Variants in AR observed in about 807,000 individuals in gnomAD.
The protein encoded by AR is androgen receptor.
Under a neutral mutation model 53.9 loss-of-function variants are expected in AR, and 8 were observed. That is an observed-to-expected ratio of 0.15 (90% CI 0.09 to 0.27). The LOEUF (loss-of-function observed/expected upper bound fraction) is 0.27, where lower values mean the gene tolerates loss of function less well. AR is among the 10% of genes least tolerant of loss of function. The pLI is 1.00. For missense variants in AR, 639 were observed against 742.5 expected, an observed-to-expected ratio of 0.86 and a Z score of 1.62; for synonymous variants, 359 against 316.4, an observed-to-expected ratio of 1.13 and a Z score of -1.43.
rs1442221233 is a variant in AR at position 67,621,291 on chromosome X, A to C, written c.1617-21965A>C. 2.7e-5 allele frequency among the ~76,000 whole-genome samples: 3 copies of C among 111,381 alleles called. No homozygotes were observed. The East Asian group carries it at 8.5e-4, about 32-fold the overall frequency. On this transcript the variant is annotated intron_variant, in intron 1 of 7. Coordinates refer to ENST00000374690, the MANE Select transcript of AR (RefSeq NM_000044.6). ...GGGGTTCAGCCTCGAGTGGCCATTA[A>C]AATTATTTGGGGATCTTTGAAAAAA... is the stretch of plus-strand genomic sequence containing the variant.
intron 4 of AR, among the ~76,000 whole-genome samples, chrX:67,714,333 T>C (rs1376474978): frequency 8.9e-6 from 1 of 112,074 alleles, no homozygotes. Flanking sequence ...CCTAGTAACG[T>C]AGCCTGAAAC....
chrX:67,562,508 C>G (rs765961876), intron 1 of AR, among the ~76,000 whole-genome samples: 3 of 111,302 alleles, frequency 2.7e-5, no homozygotes, highest in African/African-American at 9.8e-5. Flanking sequence ...ATGGTAATGA[C>G]CAGCTGTAGG....
intron 1 of AR, among the ~76,000 whole-genome samples, chrX:67,607,038 T>G (rs1923660815): frequency 9.0e-6 from 1 of 111,519 alleles, no homozygotes; most frequent in African/African-American, 3.3e-5. Flanking sequence ...TTTGTTTTTT[T>G]TTTTATTTGA....
chrX:67,679,976 T>C (rs1432033421), intron 2 of AR, among the ~76,000 whole-genome samples: 1 of 112,376 alleles, frequency 8.9e-6, no homozygotes, highest in Non-Finnish European at 1.9e-5. Flanking sequence ...AAATGACCTT[T>C]TCTACCTTTA....
chrX:67,576,277 G>A (rs976348923), intron 1 of AR, among the ~76,000 whole-genome samples: 1 of 110,788 alleles, frequency 9.0e-6, no homozygotes, highest in Admixed American at 9.6e-5. Context: ...TGGTACTACT[G>A]TAAATTTTCA....
intron 1 of AR, among the ~76,000 whole-genome samples, chrX:67,559,210 C>T (rs1172213736): frequency 3.6e-5 from 4 of 111,580 alleles, no homozygotes; most frequent in Admixed American, 9.5e-5. Context: ...TTTGAGACTC[C>T]GGACTGCCAG....
At chrX:67,688,796 C>CG (rs1270464335) in intron 3 of AR, among the ~76,000 whole-genome samples, 1 of 111,459 alleles carries the variant, frequency 9.0e-6, no homozygotes, top group East Asian at 2.8e-4. Context: ...GACACAACCC[C>CG]CTCCCAAGTT....
intron 1 of AR, among the ~76,000 whole-genome samples, chrX:67,640,956 G>A (rs1925730357): frequency 9.0e-6 from 1 of 110,710 alleles, no homozygotes; most frequent in Non-Finnish European, 1.9e-5. Context: ...TTTATTTCCA[G>A]TCCTTCTTCT....
intron 3 of AR, among the ~76,000 whole-genome samples, chrX:67,694,265 A>C (rs750908688): frequency 6.3e-5 from 7 of 110,832 alleles, no homozygotes; most frequent in African/African-American, 2.3e-4. Context: ...TCCAACAAGT[A>C]GTCTTTCTTG....
chrX:67,718,930 G>A (rs1046071809), intron 5 of AR, among the ~76,000 whole-genome samples: 2 of 111,678 alleles, frequency 1.8e-5, no homozygotes, highest in Non-Finnish European at 3.8e-5. Flanking sequence ...GAGGTCCCTC[G>A]ATGGCATTGT....
intron 2 of AR, among the ~76,000 whole-genome samples, chrX:67,679,242 A>G (rs1313649487): frequency 9.0e-6 from 1 of 111,616 alleles, no homozygotes; most frequent in African/African-American, 3.2e-5. Flanking sequence ...TTAAAGTGAT[A>G]TGTAACCAAG....
At chrX:67,641,109 C>G (rs915678549) in intron 1 of AR, among the ~76,000 whole-genome samples, 1 of 110,647 alleles carries the variant, frequency 9.0e-6, no homozygotes, top group Non-Finnish European at 1.9e-5. Context: ...TTCATTAGCA[C>G]AACATGGTTT....
chrX:67,595,523 TATTA>T (rs1350531704), intron 1 of AR, among the ~76,000 whole-genome samples: 2 of 111,073 alleles, frequency 1.8e-5, no homozygotes, highest in Non-Finnish European at 3.8e-5. Context: ...TCTCTTTGTT[TATTA>T]TTTTATAATG....
At chrX:67,680,158 A>T (rs764575590) in intron 2 of AR, among the ~76,000 whole-genome samples, 2 of 112,068 alleles carry the variant, frequency 1.8e-5, no homozygotes, top group South Asian at 7.4e-4. Context: ...TGAATAATTC[A>T]TCCTTTCTTC....
intron 2 of AR, among the ~76,000 whole-genome samples, chrX:67,647,788 A>G (rs754446433): frequency 5.9e-4 from 66 of 112,060 alleles, no homozygotes; most frequent in Non-Finnish European, 9.2e-4. Flanking sequence ...CTCTGTGTCA[A>G]CTACTCAACT....
chrX:67,601,861 T>A lies in AR; in HGVS notation c.1617-41395T>A, dbSNP rs138432525. Among the ~76,000 whole-genome samples, 5 of 111,572 alleles carry A rather than the reference T, an allele frequency of 4.5e-5. No homozygotes were observed. The East Asian group carries it at 1.4e-3, about 32-fold the overall frequency. ...GATAATTCAGTCCACCACACCCCATTTTACAGATGTTGAAATTGAAGCCCC... is the reference window on the plus strand; with the variant it reads ...GATAATTCAGTCCACCACACCCCATATTACAGATGTTGAAATTGAAGCCCC... On this transcript the variant is annotated intron_variant, in intron 1 of 7. Coordinates refer to ENST00000374690, the MANE Select transcript of AR (RefSeq NM_000044.6).
chrX:67,723,945 C>T lies in AR; in HGVS notation c.*104C>T. The T allele has an allele frequency of 9.6e-7, 1 of 1,039,546 alleles. No individual in the cohort carries two copies. The highest frequency in any genetic ancestry group is 1.3e-6 in the Non-Finnish European group (1 of 751,106). The allele number at this position is 1,039,546 out of a possible 1,213,427, so 85.7% of individuals were successfully genotyped here. On this transcript the variant is annotated 3_prime_UTR_variant, in exon 8 of 8. Transcript: ENST00000374690. ...TCCTCTGCAGTGCCTTGGGGAATTT[C>T]CTCTATTGATGTACAGTCTGTCATG...
chrX:67,669,727 T>C (rs1927450067), intron 2 of AR, among the ~76,000 whole-genome samples: 1 of 110,659 alleles, frequency 9.0e-6, no homozygotes, highest in East Asian at 2.8e-4. Flanking sequence ...GGTGCTCCAG[T>C]GTTGGGTGCA....
At chrX:67,569,059 T>A (rs1921686353) in intron 1 of AR, 2 of 1,189,489 alleles carry the variant, frequency 1.7e-6, no homozygotes, top group Non-Finnish European at 2.3e-6. Context: ...AGAACTCAGT[T>A]TCTAGGGTAG....
Sources: gnomAD v4.1 joint callset for allele counts (sites outside exome capture counted in the v4.1 genomes callset) on GRCh38, gnomAD v4.1.1 for gene constraint, MANE v1.5 for transcripts, NCBI Gene and HGNC (gene_info 2026-07-23, HGNC 2026-07-21) for gene names.